The following CYRIB variants were observed in gnomAD, a reference collection of about 807,000 sequenced individuals.
CYRIB encodes CYFIP-related Rac1 interactor B.
CYRIB carries 8 observed loss-of-function variants against 44.2 expected under a neutral mutation model. That is an observed-to-expected ratio of 0.18 (90% CI 0.11 to 0.33). The LOEUF (loss-of-function observed/expected upper bound fraction) is 0.33, where lower values mean the gene tolerates loss of function less well. Ranked by LOEUF, CYRIB falls within the 10% of genes least tolerant of loss-of-function variation. CYRIB has a pLI of 1.00. For synonymous variants in CYRIB, 131 were observed against 127.2 expected (o/e 1.03, Z -0.20); for missense variants, 185 against 382.8 (o/e 0.48, Z 4.31).
intron 5 of CYRIB, among the ~76,000 whole-genome samples, chr8:129,858,890 C>T (rs1038815405): frequency 1.3e-5 from 2 of 152,210 alleles, no homozygotes; most frequent in African/African-American, 2.4e-5. Flanking sequence ...AAGTACAGAA[C>T]AAGCAAGTAT....
At chr8:129,844,503 A>T (rs751813108) in intron 11 of CYRIB, 2 of 152,194 alleles carry the variant, frequency 1.3e-5, no homozygotes, top group Non-Finnish European at 2.9e-5. Context: ...TTTACTCTTA[A>T]ATTTAATAAA....
At chr8:130,005,628 T>G (rs1199602201) in intron 1 of CYRIB, among the ~76,000 whole-genome samples, 1 of 152,108 alleles carries the variant, frequency 6.6e-6, no homozygotes, top group Non-Finnish European at 1.5e-5. Flanking sequence ...GCATCTAGGG[T>G]GATGGGGTCC....
intron 1 of CYRIB, among the ~76,000 whole-genome samples, chr8:129,930,221 A>C (rs1449890233): frequency 6.6e-6 from 1 of 150,892 alleles, no homozygotes; most frequent in African/African-American, 2.4e-5. Context: ...AAAAAAAACA[A>C]ACAAACAAAT....
chr8:129,902,207 T>TTTGTTTTTGTTTTTA (rs1366722875), intron 2 of CYRIB, among the ~76,000 whole-genome samples: 1 of 152,030 alleles, frequency 6.6e-6, no homozygotes, highest in Non-Finnish European at 1.5e-5. Context: ...GGGCTGGATT[T>TTTGTTTTTGTTTTTA]TTGTTTTTGT....
At chr8:129,906,253 G>C (rs1383637567) in intron 1 of CYRIB, among the ~76,000 whole-genome samples, 1 of 152,116 alleles carries the variant, frequency 6.6e-6, no homozygotes. Context: ...CCAAAACAGA[G>C]ATATAGACCA....
At position 129,981,401 on chromosome 8, in the gene CYRIB, TCA is replaced by T. The variant is rs2096234998; in HGVS notation, c.-295-10408_-295-10407del. ...CCTGGACTCAAAAGATCTGCCAACC[TCA>T]GCCGCCCGAAGCGCTGTGATTACAG... On this transcript the variant is annotated intron_variant, in intron 1 of 14. Coordinates refer to the CYRIB transcript ENST00000401979. Among the ~76,000 whole-genome samples the T allele has an allele frequency of 2.0e-5, 3 of 152,272 alleles. No individual in the cohort carries two copies. In the South Asian group the frequency reaches 6.2e-4, roughly 32 times the overall value.
intron 1 of CYRIB, among the ~76,000 whole-genome samples, chr8:129,973,732 A>G (rs1288097705): frequency 6.6e-6 from 1 of 152,192 alleles, no homozygotes; most frequent in Non-Finnish European, 1.5e-5. Context: ...GGGCTGAGAA[A>G]GGAGGATCAC....
intron 11 of CYRIB, chr8:129,844,088 T>C (rs2038304258): frequency 6.6e-6 from 1 of 152,236 alleles, no homozygotes; most frequent in South Asian, 2.1e-4. Flanking sequence ...AGATGTCTCG[T>C]AGTTCTCAAA....
chr8:129,854,690 C>G (rs1311300293), intron 6 of CYRIB, among the ~76,000 whole-genome samples: 1 of 152,184 alleles, frequency 6.6e-6, no homozygotes. Context: ...ACAGAGCAAT[C>G]CTCAAACTAG....
chr8:129,843,437 A>T (rs2037742277), intron 11 of CYRIB, among the ~76,000 whole-genome samples: 1 of 152,262 alleles, frequency 6.6e-6, no homozygotes, highest in Admixed American at 6.5e-5. Context: ...TGAGATAATC[A>T]GATGTCAAGG....
exon 12 of CYRIB, chr8:129,840,088 A>C (rs2035637193): frequency 6.1e-6 from 1 of 162,610 alleles, no homozygotes; most frequent in African/African-American, 2.4e-5. Flanking sequence ...GAGGTGTTTT[A>C]CGAGATACAT....
chr8:129,936,913 T>C (rs1247639183), intron 1 of CYRIB, among the ~76,000 whole-genome samples: 2 of 152,096 alleles, frequency 1.3e-5, no homozygotes, highest in Non-Finnish European at 2.9e-5. Flanking sequence ...TTCACCATGT[T>C]AGCCAGGATG....
intron 2 of CYRIB, among the ~76,000 whole-genome samples, chr8:129,883,030 T>C (rs377532060): frequency 2.2e-4 from 30 of 136,382 alleles, no homozygotes; most frequent in African/African-American, 8.4e-4. Flanking sequence ...ACCCCGTCTC[T>C]ACTAAAGGAG....
chr8:129,885,899 T>C (rs2062572279), intron 2 of CYRIB, among the ~76,000 whole-genome samples: 1 of 152,142 alleles, frequency 6.6e-6, no homozygotes, highest in Admixed American at 6.5e-5. Flanking sequence ...CCATTCTCAC[T>C]TGCAGGAAAT....
intron 1 of CYRIB, among the ~76,000 whole-genome samples, chr8:130,013,889 T>G (rs1320890333): frequency 6.6e-6 from 1 of 152,224 alleles, no homozygotes; most frequent in Non-Finnish European, 1.5e-5. Flanking sequence ...CTTCTGCCCA[T>G]TCTGTCAAAA....
chr8:129,975,517 A>T (rs1220132494), intron 1 of CYRIB, among the ~76,000 whole-genome samples: 2 of 152,222 alleles, frequency 1.3e-5, no homozygotes, highest in African/African-American at 4.8e-5. Flanking sequence ...AAAAAGACAA[A>T]AACTTTTATT....
chr8:129,911,653 A>G (rs2078096030), intron 1 of CYRIB, among the ~76,000 whole-genome samples: 1 of 152,020 alleles, frequency 6.6e-6, no homozygotes, highest in African/African-American at 2.4e-5. Context: ...TACAAAAATT[A>G]GCCCGACTGT....
At chr8:129,863,003 G>A (rs532418896) in intron 4 of CYRIB, among the ~76,000 whole-genome samples, 3 of 152,060 alleles carry the variant, frequency 2.0e-5, no homozygotes, top group East Asian at 3.9e-4. Context: ...GTGCCCAGCA[G>A]ATCCACAAAA....
At chr8:129,951,468 AG>A (rs2094498226) in intron 2 of CYRIB, among the ~76,000 whole-genome samples, 1 of 151,992 alleles carries the variant, frequency 6.6e-6, no homozygotes, top group Non-Finnish European at 1.5e-5. Context: ...ACACTTTGGG[AG>A]GCCGAGGCGG....
Sources: gnomAD v4.1 joint callset for allele counts (sites outside exome capture counted in the v4.1 genomes callset) on GRCh38, gnomAD v4.1.1 for gene constraint, MANE v1.5 for transcripts, NCBI Gene and HGNC (gene_info 2026-07-23, HGNC 2026-07-21) for gene names.